Variants in SORBS2 observed in about 807,000 individuals in gnomAD.
The protein encoded by SORBS2 is sorbin and SH3 domain-containing protein 2.
A neutral mutation model predicts 97.7 loss-of-function variants in SORBS2; 46 were observed. The ratio of observed to expected loss-of-function variants is 0.47; its 90% CI spans 0.37 to 0.60. The LOEUF (loss-of-function observed/expected upper bound fraction) is 0.60. Ranked by LOEUF, SORBS2 falls within the 20% of genes least tolerant of loss-of-function variation. The pLI is 0.00. For missense variants in SORBS2, 1,316 were observed against 1,282.3 expected (o/e 1.03, Z -0.40); for synonymous variants, 476 against 473.4 (o/e 1.01, Z -0.07).
chr4:185,839,904 G>A (rs2153677117), intron 1 of SORBS2, among the ~76,000 whole-genome samples: 1 of 152,320 alleles, frequency 6.6e-6, no homozygotes, highest in South Asian at 2.1e-4. Context: ...ACAGAACTGA[G>A]AGGGCTCCAG....
intron 2 of SORBS2, among the ~76,000 whole-genome samples, chr4:185,758,284 T>C (rs1325237140): frequency 1.3e-5 from 2 of 152,228 alleles, no homozygotes; most frequent in Non-Finnish European, 2.9e-5. Flanking sequence ...GAGGTCCATA[T>C]TGTAAAATTA....
chr4:185,770,181 T>C (rs947825863), intron 2 of SORBS2, among the ~76,000 whole-genome samples: 1 of 151,562 alleles, frequency 6.6e-6, no homozygotes, highest in African/African-American at 2.4e-5. Context: ...CAGTTTCAAG[T>C]GATTCTCCTG....
intron 1 of SORBS2, among the ~76,000 whole-genome samples, chr4:185,779,239 A>G (rs1157168358): frequency 6.6e-6 from 1 of 152,120 alleles, no homozygotes; most frequent in Non-Finnish European, 1.5e-5. Flanking sequence ...TCATCCTGCC[A>G]CTTACGCGTG....
At chr4:185,628,264 T>C (rs1244327612) in intron 5 of SORBS2, among the ~76,000 whole-genome samples, 1 of 151,812 alleles carries the variant, frequency 6.6e-6, no homozygotes, top group Non-Finnish European at 1.5e-5. Context: ...GTATCTTTTC[T>C]CTATAAAGCG....
chr4:185,950,428 T>C lies in SORBS2; in HGVS notation c.-338+5768A>G, dbSNP rs2099276669. ...AGGCTGTAGTCTAGGGAGAAGATCA[T>C]GGTTTGGCCACAGTTAATGGAAAAA... On this transcript the variant is annotated intron_variant, in intron 1 of 20. Coordinates refer to the SORBS2 transcript ENST00000284776. Among the ~76,000 whole-genome samples the C allele has an allele frequency of 3.9e-5, 6 of 152,154 alleles. No individual in the cohort carries two copies. The South Asian group carries it at 1.2e-3, about 32-fold the overall frequency.
chr4:185,614,952 G>A lies in SORBS2; in HGVS notation c.2474C>T (p.Thr825Ile), dbSNP rs201801023. 6.2e-7 allele frequency: 1 copy of A among 1,614,184 alleles called. No homozygotes were observed. Among genetic ancestry groups the A allele is most frequent in the Non-Finnish European group, 8.5e-7 (1 of 1,180,036 alleles). ...TGCAGGCTGTGCTTTCTCAGGAGGT[G>A]TGAGTTTCTATGAAGGAAATAGTCA... Residue 825 changes from threonine (T) to isoleucine (I), a missense_variant, in exon 11 of 15, where the codon ACA (threonine) becomes ATA (isoleucine). Coordinates refer to ENST00000418609, the Ensembl canonical transcript of SORBS2.
chr4:185,607,010 C>T lies in SORBS2; in HGVS notation c.2796+4770G>A. The T allele has an allele frequency of 9.9e-7, 1 of 1,007,942 alleles. No individual in the cohort carries two copies. Among genetic ancestry groups the T allele is most frequent in the East Asian group, 1.1e-4 (1 of 9,092 alleles). The allele number at this position is 1,007,942 out of a possible 1,614,324, so 62.4% of individuals were successfully genotyped here. ...AGAGGCTCTGCATGGTAAGGCTGGG[C>T]TGCAGCCGAGGCCACACCCGCGTGA... On this transcript the variant is annotated intron_variant, in intron 12 of 14. Transcript: ENST00000418609. The surrounding 1 kb of genome is among the most constrained non-coding windows in gnomAD (Gnocchi z 5.2).
intron 2 of SORBS2, among the ~76,000 whole-genome samples, chr4:185,735,622 ATC>A (rs2098680121): frequency 2.0e-5 from 3 of 152,086 alleles, no homozygotes; most frequent in South Asian, 2.1e-4. Context: ...TTGAAAATGC[ATC>A]TGTTTTTATG....
intron 4 of SORBS2, among the ~76,000 whole-genome samples, chr4:185,672,826 T>C (rs2097732984): frequency 6.6e-6 from 1 of 152,198 alleles, no homozygotes; most frequent in South Asian, 2.1e-4. Context: ...TAGCTTACAG[T>C]GCTTGGCATT....
At chr4:185,692,507 C>T (rs779022496) in intron 2 of SORBS2, among the ~76,000 whole-genome samples, 1 of 152,162 alleles carries the variant, frequency 6.6e-6, no homozygotes, top group Admixed American at 6.5e-5. Flanking sequence ...CCCTTCTGAC[C>T]ATTTCCTCTG....
At chr4:185,824,566 A>G (rs1336241252) in intron 1 of SORBS2, among the ~76,000 whole-genome samples, 1 of 152,210 alleles carries the variant, frequency 6.6e-6, no homozygotes, top group African/African-American at 2.4e-5. Context: ...GTTGTTCCCT[A>G]TGCAGTTGGG....
chr4:185,852,418 T>C (rs1420369893), intron 1 of SORBS2, among the ~76,000 whole-genome samples: 1 of 152,150 alleles, frequency 6.6e-6, no homozygotes, highest in Non-Finnish European at 1.5e-5. Flanking sequence ...TCCATAGGTA[T>C]AGGTAAGGTC....
At chr4:185,756,719 CT>C (rs56955640) in intron 2 of SORBS2, among the ~76,000 whole-genome samples, 2,384 of 131,534 alleles carry the variant, frequency 0.018, 42 homozygotes, top group African/African-American at 0.054. Flanking sequence ...ACTGTTAAAG[CT>C]TTTTTTTTTT....
intron 4 of SORBS2, among the ~76,000 whole-genome samples, chr4:185,669,891 T>C (rs1189090269): frequency 4.6e-5 from 7 of 152,182 alleles, no homozygotes; most frequent in Non-Finnish European, 1.0e-4. Flanking sequence ...CTGATGGCCA[T>C]CTTAAATAAT....
intron 2 of SORBS2, among the ~76,000 whole-genome samples, chr4:185,694,005 T>C (rs1047996167): frequency 6.6e-6 from 1 of 152,228 alleles, no homozygotes; most frequent in Non-Finnish European, 1.5e-5. Context: ...ACTAACTTCC[T>C]AATCAAGCAA....
intron 1 of SORBS2, among the ~76,000 whole-genome samples, chr4:185,899,825 G>A (rs528212174): frequency 6.6e-6 from 1 of 152,290 alleles, no homozygotes; most frequent in South Asian, 2.1e-4. Context: ...CTCAGCAAAT[G>A]GTTACCATAC....
chr4:185,761,963 A>G (rs1335275111), intron 2 of SORBS2, among the ~76,000 whole-genome samples: 1 of 152,232 alleles, frequency 6.6e-6, no homozygotes, highest in Non-Finnish European at 1.5e-5. Flanking sequence ...AGTTTGGTAG[A>G]TGGGAAGTCT....
rs888033268 is a variant in SORBS2 at position 185,925,355 on chromosome 4, GGTGGTCAGAATTATAATTA to G, written c.-338+30822_-338+30840del. On this transcript the variant is annotated intron_variant, in intron 1 of 20. Coordinates refer to the SORBS2 transcript ENST00000284776. ...CCTAGAGGCAGAATAGGATGTGGTG[GGTGGTCAGAATTATAATTA>G]GTGCAAGAAAGGGACACATTTTACA... is the stretch of plus-strand genomic sequence containing the variant. Among the ~76,000 whole-genome samples the G allele has an allele frequency of 4.6e-5, 7 of 152,088 alleles. 1 individual carries two copies. Among genetic ancestry groups the G allele is most frequent in the Non-Finnish European group, 8.8e-5 (6 of 68,030 alleles).
chr4:185,674,502 G>A (rs896850457), intron 4 of SORBS2, among the ~76,000 whole-genome samples: 4 of 152,130 alleles, frequency 2.6e-5, no homozygotes, highest in Admixed American at 6.5e-5. Context: ...ACTATGGTAC[G>A]TTTTTCACTG....
Sources: allele counts gnomAD v4.1 joint callset (sites outside exome capture counted in the v4.1 genomes callset), GRCh38; gene constraint gnomAD v4.1.1; non-coding constraint Gnocchi (gnomAD v3.1); transcripts MANE v1.5; gene names NCBI Gene and HGNC (gene_info 2026-07-23, HGNC 2026-07-21).